MAML2: variants seen among roughly 807,000 people sequenced by gnomAD.
MAML2 encodes mastermind like transcriptional coactivator 2, also known as mastermind-like protein 2.
MAML2 carries 22 observed loss-of-function variants against 96.1 expected under a neutral mutation model. The observed-to-expected ratio is 0.23, with a 90% CI of 0.16 to 0.33. MAML2 has a LOEUF of 0.33. Ranked by LOEUF, MAML2 falls within the 10% of genes least tolerant of loss-of-function variation. MAML2 has a pLI of 1.00. For synonymous variants in MAML2, 561 were observed against 521.3 expected (o/e 1.08, Z -1.04); for missense variants, 1,367 against 1,392.4 (o/e 0.98, Z 0.29).
At chr11:96,200,669 G>A (rs1255951153) in intron 1 of MAML2, among the ~76,000 whole-genome samples, 3 of 152,136 alleles carry the variant, frequency 2.0e-5, no homozygotes, top group African/African-American at 7.2e-5. Context: ...GACTTCTCAG[G>A]AGCTTCTGGA....
At chr11:96,337,379 G>T (rs1210448906) in intron 1 of MAML2, among the ~76,000 whole-genome samples, 1 of 152,192 alleles carries the variant, frequency 6.6e-6, no homozygotes. Context: ...CTCTGGCAAT[G>T]ATTTAACTTG....
chr11:96,330,992 C>G lies in MAML2; in HGVS notation c.513+10391G>C, dbSNP rs571828951. 2.6e-5 allele frequency among the ~76,000 whole-genome samples: 4 copies of G among 152,266 alleles called. No homozygotes were observed. The South Asian group carries it at 8.3e-4, about 32-fold the overall frequency. On this transcript the variant is annotated intron_variant, in intron 1 of 4. Coordinates refer to ENST00000524717, the MANE Select transcript of MAML2 (RefSeq NM_032427.4). ...ATCATTTAAAAAGCCATCTACCAGC[C>G]AGGCATGGTGGCTGATGCCTGGAAT...
chr11:96,053,181 A>G (rs1323870212), intron 2 of MAML2, among the ~76,000 whole-genome samples: 1 of 152,198 alleles, frequency 6.6e-6, no homozygotes, highest in Non-Finnish European at 1.5e-5. Flanking sequence ...TCATTTTTTT[A>G]GAAAAAGGAA....
intron 1 of MAML2, among the ~76,000 whole-genome samples, chr11:96,234,904 T>C (rs1862346868): frequency 6.6e-6 from 1 of 152,258 alleles, no homozygotes; most frequent in East Asian, 1.9e-4. Flanking sequence ...AACACCCTGT[T>C]GTGAATGCAT....
intron 1 of MAML2, among the ~76,000 whole-genome samples, chr11:96,218,217 TG>T (rs1862078236): frequency 1.3e-5 from 2 of 152,364 alleles, no homozygotes; most frequent in Admixed American, 1.3e-4. Flanking sequence ...AGAAGGCAGC[TG>T]TAACGCAGCT....
At chr11:96,086,479 T>G (rs576744337) in intron 2 of MAML2, among the ~76,000 whole-genome samples, 1 of 152,328 alleles carries the variant, frequency 6.6e-6, no homozygotes, top group South Asian at 2.1e-4. Flanking sequence ...TTTTCCCATT[T>G]TAATCTGGGA....
intron 1 of MAML2, among the ~76,000 whole-genome samples, chr11:96,308,609 A>G (rs536569130): frequency 6.6e-6 from 1 of 152,332 alleles, no homozygotes; most frequent in South Asian, 2.1e-4. Context: ...AACAAATGGT[A>G]CTTTGCATCA....
chr11:96,002,967 A>G (rs1472643065), intron 2 of MAML2, among the ~76,000 whole-genome samples: 1 of 126,640 alleles, frequency 7.9e-6, no homozygotes, highest in Admixed American at 7.8e-5. Context: ...GCGATGATGA[A>G]GATGGTGAGG....
intron 1 of MAML2, among the ~76,000 whole-genome samples, chr11:96,291,709 G>A (rs1863213339): frequency 6.6e-6 from 1 of 152,134 alleles, no homozygotes; most frequent in African/African-American, 2.4e-5. Flanking sequence ...TGCACACAAA[G>A]GGGCACGTGT....
In MAML2 at chr11:96,297,838, C is replaced by G. The variant is rs141830239; in HGVS notation, c.513+43545G>C. On this transcript the variant is annotated intron_variant, in intron 1 of 4. Coordinates refer to ENST00000524717, the MANE Select transcript of MAML2 (RefSeq NM_032427.4). The stretch of plus-strand genomic sequence containing the variant: ...TCACTCCTAATTACTTAGTATGCAT[C>G]TCTAAAAATATTTTCTTTATATAAC... 4.6e-3 allele frequency among the ~76,000 whole-genome samples: 700 copies of G among 152,232 alleles called. 11 individuals carry two copies. The highest frequency in any genetic ancestry group is 0.016 in the African/African-American group (670 of 41,530).
At chr11:96,232,083 A>T (rs1221497191) in intron 1 of MAML2, among the ~76,000 whole-genome samples, 1 of 152,162 alleles carries the variant, frequency 6.6e-6, no homozygotes, top group Non-Finnish European at 1.5e-5. Flanking sequence ...ATGTAGTAAC[A>T]TGTGGTATCC....
intron 1 of MAML2, among the ~76,000 whole-genome samples, chr11:96,314,657 T>A (rs1023689668): frequency 1.6e-4 from 24 of 152,176 alleles, no homozygotes; most frequent in Admixed American, 1.4e-3. Context: ...AGCTTAACTT[T>A]TTTTCCCCTT....
chr11:96,015,586 G>GA (rs1477544160), intron 2 of MAML2, among the ~76,000 whole-genome samples: 1 of 54,694 alleles, frequency 1.8e-5, no homozygotes, highest in Non-Finnish European at 3.7e-5. Context: ...AAAAAAAAAG[G>GA]GGGGGGGGGC....
intron 2 of MAML2, among the ~76,000 whole-genome samples, chr11:96,078,840 C>G (rs1859489312): frequency 6.6e-6 from 1 of 152,208 alleles, no homozygotes; most frequent in South Asian, 2.1e-4. Context: ...CATTTTAAAT[C>G]CTATCCTATG....
chr11:96,260,889 C>T lies in MAML2; in HGVS notation c.513+80494G>A, dbSNP rs138448931. ...AAAAGGTTGTTTTTTTGTTTTGTTT[C>T]GTTTTTTGGGGGACAGCGTAGCTTT... On this transcript the variant is annotated intron_variant, in intron 1 of 4. Transcript: ENST00000524717. Among the ~76,000 whole-genome samples, 202 of 151,130 alleles carry T rather than the reference C, an allele frequency of 1.3e-3. 1 individual carries two copies. Among genetic ancestry groups the T allele is most frequent in the Middle Eastern group, 3.4e-3 (1 of 290 alleles).
At chr11:96,294,764 C>T (rs1863266896) in intron 1 of MAML2, among the ~76,000 whole-genome samples, 1 of 152,142 alleles carries the variant, frequency 6.6e-6, no homozygotes, top group African/African-American at 2.4e-5. Flanking sequence ...TTTATCAACA[C>T]TATAAAATAA....
intron 1 of MAML2, among the ~76,000 whole-genome samples, chr11:96,320,404 C>T (rs898909905): frequency 6.6e-6 from 1 of 152,200 alleles, no homozygotes; most frequent in African/African-American, 2.4e-5. Flanking sequence ...AGTTTGTTCT[C>T]TAGCCCTCTG....
Position 95,990,525 on chromosome 11 carries a change from T to A in MAML2, c.2343+995A>T, listed in dbSNP as rs549111034. On this transcript the variant is annotated intron_variant, in intron 3 of 4. Transcript: ENST00000524717. ...AAGTTCTTTCTGAAATCATTTCTAG[T>A]AGTTACCAGAGTATGGCATTTAATC... Among the ~76,000 whole-genome samples, 287 of 152,342 alleles carry A rather than the reference T, an allele frequency of 1.9e-3. 1 individual carries two copies. The highest frequency in any genetic ancestry group is 3.4e-3 in the Middle Eastern group (1 of 294).
intron 1 of MAML2, among the ~76,000 whole-genome samples, chr11:96,219,853 T>C (rs1268951293): frequency 1.3e-5 from 2 of 152,158 alleles, no homozygotes; most frequent in Non-Finnish European, 2.9e-5. Context: ...CTCGAACTCC[T>C]GACCTTGTGA....
Sources: gnomAD v4.1 joint callset for allele counts (sites outside exome capture counted in the v4.1 genomes callset) on GRCh38, gnomAD v4.1.1 for gene constraint, MANE v1.5 for transcripts, NCBI Gene and HGNC (gene_info 2026-07-23, HGNC 2026-07-21) for gene names.